Variants in TXNDC12 observed in about 807,000 individuals in gnomAD.
TXNDC12 encodes the protein thioredoxin domain containing 12.
A neutral mutation model predicts 24.2 loss-of-function variants in TXNDC12; 22 were observed. The ratio of observed to expected loss-of-function variants is 0.91; its 90% CI spans 0.65 to 1.30. The LOEUF is 1.30. Among genes scored for constraint, TXNDC12 ranks in the 50% most tolerant of loss-of-function variants. The pLI is 0.00. For synonymous variants in TXNDC12, 58 were observed against 73.4 expected, an observed-to-expected ratio of 0.79 and a Z score of 1.07; for missense variants, 184 against 205.8, an observed-to-expected ratio of 0.89 and a Z score of 0.65.
At chr1:52,043,230 T>C (rs1686028513) in intron 1 of TXNDC12, among the ~76,000 whole-genome samples, 1 of 152,238 alleles carries the variant, frequency 6.6e-6, no homozygotes, top group East Asian at 1.9e-4. Flanking sequence ...AAGCACCCTA[T>C]TCTTACCCCA....
intron 1 of TXNDC12, among the ~76,000 whole-genome samples, chr1:52,042,163 ATTG>A (rs1039416461): frequency 6.6e-6 from 1 of 152,232 alleles, no homozygotes; most frequent in African/African-American, 2.4e-5. Context: ...ATTTAAAGCT[ATTG>A]TTATTATTAT....
intron 2 of TXNDC12, chr1:52,033,514 T>C (rs777022648): frequency 1.2e-6 from 2 of 1,613,918 alleles, no homozygotes; most frequent in South Asian, 1.1e-5. Flanking sequence ...ACCTTTGATG[T>C]AGTTAAGCGA....
chr1:52,033,116 A>C (rs979654461), intron 2 of TXNDC12: 1 of 1,613,114 alleles, frequency 6.2e-7, no homozygotes, highest in African/African-American at 1.3e-5. Flanking sequence ...GGAGCCTCAA[A>C]GCGCAGCGTT....
chr1:52,033,504 A>C (rs773508387), intron 2 of TXNDC12: 3 of 1,613,828 alleles, frequency 1.9e-6, no homozygotes, highest in Non-Finnish European at 2.5e-6. Context: ...CGTAACGGAA[A>C]CCTTTGATGT....
chr1:52,051,099 T>C (rs1686191219), intron 1 of TXNDC12: 2 of 168,700 alleles, frequency 1.2e-5, no homozygotes, highest in Non-Finnish European at 2.9e-5. Flanking sequence ...ATAGGGTTAT[T>C]ATGAGGCTTA....
At position 52,020,335 on chromosome 1, in the gene TXNDC12, C is replaced by T. The variant is rs1350802007; in HGVS notation, c.*598G>A. The stretch of plus-strand genomic sequence containing the variant: ...ACACAGCCAGTCCTGCACACGCATG[C>T]GTGCAAACAGGGAAGCTCAAGCATG... On this transcript the variant is annotated 3_prime_UTR_variant, in exon 7 of 7. Coordinates refer to ENST00000371626, the MANE Select transcript of TXNDC12 (RefSeq NM_015913.4). 4 of 411,774 alleles carry T rather than the reference C, an allele frequency of 9.7e-6. No homozygotes were observed. Among genetic ancestry groups the T allele is most frequent in the East Asian group, 5.6e-5 (1 of 17,920 alleles). The allele number at this position is 411,774 out of a possible 1,614,324, so 25.5% of individuals were successfully genotyped here.
chr1:52,029,589 T>C (rs1685722288), intron 2 of TXNDC12, among the ~76,000 whole-genome samples: 1 of 152,218 alleles, frequency 6.6e-6, no homozygotes, highest in Non-Finnish European at 1.5e-5. Context: ...GCACTTAACA[T>C]ATTGATCTGT....
At chr1:52,027,720 ATG>A (rs1414243783) in intron 3 of TXNDC12, among the ~76,000 whole-genome samples, 4 of 150,546 alleles carry the variant, frequency 2.7e-5, no homozygotes, top group African/African-American at 7.3e-5. Flanking sequence ...GTATACATAT[ATG>A]TATGTGTGTA....
intron 2 of TXNDC12, among the ~76,000 whole-genome samples, chr1:52,029,014 G>A (rs772467310): frequency 6.6e-6 from 1 of 152,140 alleles, no homozygotes; most frequent in Admixed American, 6.6e-5. Context: ...TGTAGTCCCA[G>A]CTACTGGGGT....
intron 4 of TXNDC12, 47 bp downstream of exon 4, chr1:52,027,228 A>G (rs190391858): frequency 6.9e-7 from 1 of 1,439,690 alleles, no homozygotes; most frequent in Admixed American, 1.8e-5. Context: ...TACTAACTTT[A>G]AAAGTCTTAA....
intron 3 of TXNDC12, among the ~76,000 whole-genome samples, chr1:52,028,362 C>A (rs3753197): frequency 1.3e-5 from 2 of 152,124 alleles, no homozygotes; most frequent in African/African-American, 2.4e-5. Flanking sequence ...TAATCCCATA[C>A]GTGACATAAC....
chr1:52,032,756 C>G (rs776924010), intron 2 of TXNDC12: 1 of 1,614,054 alleles, frequency 6.2e-7, no homozygotes, highest in Non-Finnish European at 8.5e-7. Flanking sequence ...GGCAAGTTCT[C>G]ATTGTTGGGA....
At chr1:52,041,041 GA>G (rs1229827166) in intron 2 of TXNDC12, among the ~76,000 whole-genome samples, 2 of 126,900 alleles carry the variant, frequency 1.6e-5, no homozygotes, top group Admixed American at 8.1e-5. Context: ...TCTCAAAAAA[GA>G]AAAAAAAAGG....
intron 2 of TXNDC12, chr1:52,033,441 G>T: frequency 1.2e-6 from 2 of 1,612,752 alleles, no homozygotes; most frequent in Non-Finnish European, 1.7e-6. Context: ...CGGGCCGTAC[G>T]CAGTAGACCA....
chr1:52,024,033 C>T (rs72665041), intron 5 of TXNDC12, among the ~76,000 whole-genome samples: 4,852 of 149,692 alleles, frequency 0.032, 105 homozygotes, highest in Non-Finnish European at 0.049. Context: ...TTCCTTCTGT[C>T]ATTCAGGCTC....
chr1:52,048,894 C>A (rs958292744), intron 1 of TXNDC12, among the ~76,000 whole-genome samples: 3 of 151,946 alleles, frequency 2.0e-5, no homozygotes, highest in Non-Finnish European at 2.9e-5. Flanking sequence ...AAAATAAATT[C>A]TCCATGTACC....
chr1:52,028,849 T>C (rs1685711359), intron 2 of TXNDC12, among the ~76,000 whole-genome samples: 2 of 152,104 alleles, frequency 1.3e-5, no homozygotes. Flanking sequence ...TAGGGAGGGC[T>C]GGGCACAGTG....
At position 52,027,303 on chromosome 1, in the gene TXNDC12, G is replaced by T. The variant is rs370018032; in HGVS notation, c.257C>A (p.Ser86Tyr). Residue 86 changes from serine (S) to tyrosine (Y), a missense_variant, in exon 4 of 7, where the codon TCC becomes TAC. By Grantham distance (144) the Ser-to-Tyr change is moderately radical. Transcript: ENST00000371626. ...FAESTEISEL[S>Y]HNFVMVNLED... ...AAGATTTACCATAACAAAATTATGG[G>T]AGAGTTCTGAAATTTCCGTAGATTC... 4 of 1,613,018 alleles carry T rather than the reference G, an allele frequency of 2.5e-6. No homozygotes were observed. Among genetic ancestry groups the T allele is most frequent in the Non-Finnish European group, 3.4e-6 (4 of 1,179,328 alleles).
At chr1:52,026,694 G>C (rs1054536872) in intron 4 of TXNDC12, among the ~76,000 whole-genome samples, 4 of 152,156 alleles carry the variant, frequency 2.6e-5, no homozygotes, top group Admixed American at 2.0e-4. Context: ...AAGGTCAGGG[G>C]TTTGAGACTA....
Sources: gnomAD v4.1 joint callset for allele counts (sites outside exome capture counted in the v4.1 genomes callset) on GRCh38, gnomAD v4.1.1 for gene constraint, MANE v1.5 for transcripts, NCBI Gene and HGNC (gene_info 2026-07-23, HGNC 2026-07-21) for gene names.